The following DENND5A variants were observed in gnomAD, a reference collection of about 807,000 sequenced individuals.
DENND5A encodes the protein DENN domain containing 5A, also known as DENN domain-containing protein 5A.
DENND5A carries 64 observed loss-of-function variants against 140.3 expected under a neutral mutation model. The ratio of observed to expected loss-of-function variants is 0.46; its 90% confidence interval spans 0.37 to 0.56. DENND5A has a LOEUF of 0.56. DENND5A is among the 20% of genes least tolerant of loss of function. The pLI is 0.00. For synonymous variants in DENND5A, 605 were observed against 607.7 expected (o/e 1.00, Z 0.07); for missense variants, 1,292 against 1,593.8 (o/e 0.81, Z 3.22).
At chr11:9,251,245 C>CT (rs145904703) in intron 1 of DENND5A, among the ~76,000 whole-genome samples, 9,886 of 152,078 alleles carry the variant, frequency 0.065, 438 homozygotes, top group Non-Finnish European at 0.1. Flanking sequence ...GCTCAGACCT[C>CT]TCAGCATTCC....
chr11:9,262,470 C>G (rs1388864910), intron 1 of DENND5A, among the ~76,000 whole-genome samples: 2 of 152,060 alleles, frequency 1.3e-5, no homozygotes, highest in Non-Finnish European at 2.9e-5. Flanking sequence ...TTCTAAAGAC[C>G]TCCAGCCAGG....
At chr11:9,168,791 G>A (rs72859603) in intron 10 of DENND5A, among the ~76,000 whole-genome samples, 58 of 152,262 alleles carry the variant, frequency 3.8e-4, no homozygotes, top group Non-Finnish European at 7.1e-4. Context: ...AAAACAGTAT[G>A]CCTTCTTGGG....
chr11:9,140,169 GAAT>G (rs1564876189), intron 22 of DENND5A: 1 of 1,393,200 alleles, frequency 7.2e-7, no homozygotes, highest in Non-Finnish European at 9.5e-7. Context: ...CCACCACCAG[GAAT>G]AATAATAAGC....
At chr11:9,246,811 C>T (rs1045764852) in intron 1 of DENND5A, among the ~76,000 whole-genome samples, 1 of 152,142 alleles carries the variant, frequency 6.6e-6, no homozygotes, top group African/African-American at 2.4e-5. Context: ...CATCTACCTA[C>T]AACCCATAAA....
At chr11:9,224,066 T>C (rs1850433384) in intron 1 of DENND5A, among the ~76,000 whole-genome samples, 1 of 152,098 alleles carries the variant, frequency 6.6e-6, no homozygotes, top group African/African-American at 2.4e-5. Flanking sequence ...TGGTGGCGCA[T>C]GCCTGTAATC....
Position 9,170,624 on chromosome 11 carries a change from C to A in DENND5A, c.2057+3G>T, listed in dbSNP as rs1848338531. The A allele has an allele frequency of 6.2e-7, 1 of 1,613,712 alleles. No homozygotes were observed. The highest frequency in any genetic ancestry group is 1.3e-5 in the African/African-American group (1 of 74,836). On this transcript the variant is annotated splice_donor_region_variant and intron_variant, in intron 9 of 22. Transcript: ENST00000328194. ...GATTAGTGAATCCCTGGGGTTGACT[C>A]ACTTGTTGCTGGCTGGCCCAGTGGA...
chr11:9,263,263 C>T (rs1349776911), intron 1 of DENND5A, among the ~76,000 whole-genome samples: 1 of 151,482 alleles, frequency 6.6e-6, no homozygotes, highest in African/African-American at 2.4e-5. Flanking sequence ...AGTGTAGTGG[C>T]GCAATCACCC....
chr11:9,195,505 CAA>C (rs1385713741), intron 4 of DENND5A, among the ~76,000 whole-genome samples: 2 of 152,128 alleles, frequency 1.3e-5, no homozygotes, highest in Non-Finnish European at 2.9e-5. Context: ...TGGCTGGTTT[CAA>C]ATGAGCTGTC....
At chr11:9,220,265 G>A (rs577771631) in intron 1 of DENND5A, among the ~76,000 whole-genome samples, 55 of 152,160 alleles carry the variant, frequency 3.6e-4, no homozygotes, top group Admixed American at 3.3e-3. Context: ...AAAATAATTC[G>A]GGCCAGGCAC....
intron 1 of DENND5A, among the ~76,000 whole-genome samples, chr11:9,254,620 A>G (rs1851867547): frequency 6.6e-6 from 1 of 152,194 alleles, no homozygotes; most frequent in African/African-American, 2.4e-5. Context: ...AAATGACCAC[A>G]AGAATCTGCC....
intron 4 of DENND5A, among the ~76,000 whole-genome samples, chr11:9,197,823 GAAGAA>G (rs1225342497): frequency 1.4e-4 from 22 of 152,148 alleles, no homozygotes; most frequent in Non-Finnish European, 2.8e-4. Flanking sequence ...GCTACTATAT[GAAGAA>G]AAGAGAGGAA....
chr11:9,169,281 T>A (rs777601261), intron 10 of DENND5A, among the ~76,000 whole-genome samples: 16 of 151,994 alleles, frequency 1.1e-4, no homozygotes, highest in Middle Eastern at 3.2e-3. Context: ...ACCCCGTCTC[T>A]ACTAAAAATA....
chr11:9,181,983 T>C (rs1192640517), intron 5 of DENND5A, among the ~76,000 whole-genome samples: 3 of 152,186 alleles, frequency 2.0e-5, no homozygotes, highest in Admixed American at 6.5e-5. Flanking sequence ...TGTAAAGAGA[T>C]AGTGCTCACA....
chr11:9,150,467 C>T (rs1401631387), intron 14 of DENND5A, among the ~76,000 whole-genome samples: 2 of 152,182 alleles, frequency 1.3e-5, no homozygotes, highest in Admixed American at 1.3e-4. Context: ...AGATACTCTC[C>T]TATGCTCCCT....
At chr11:9,254,770 T>A (rs190394569) in intron 1 of DENND5A, among the ~76,000 whole-genome samples, 377 of 152,254 alleles carry the variant, frequency 2.5e-3, no homozygotes, top group Admixed American at 6.7e-3. Context: ...AAATAAGAAG[T>A]CTTATTTAAA....
chr11:9,174,933 G>T (rs565701284), intron 8 of DENND5A, among the ~76,000 whole-genome samples: 1 of 151,900 alleles, frequency 6.6e-6, no homozygotes, highest in African/African-American at 2.4e-5. Context: ...CGTACTAGAG[G>T]TTCAAGCCAG....
chr11:9,205,429 A>T (rs1849661546), intron 3 of DENND5A, among the ~76,000 whole-genome samples: 1 of 152,240 alleles, frequency 6.6e-6, no homozygotes, highest in Non-Finnish European at 1.5e-5. Flanking sequence ...TTTCTAGAAC[A>T]TAGCATGTTA....
At chr11:9,163,028 A>G (rs1848043927) in intron 11 of DENND5A, among the ~76,000 whole-genome samples, 1 of 152,098 alleles carries the variant, frequency 6.6e-6, no homozygotes, top group African/African-American at 2.4e-5. Flanking sequence ...TCACTCGTTT[A>G]TATTTGTGAA....
chr11:9,197,248 C>T (rs761816345), intron 4 of DENND5A, among the ~76,000 whole-genome samples: 6 of 150,490 alleles, frequency 4.0e-5, no homozygotes, highest in Admixed American at 6.6e-5. Context: ...GAGGTTGCAG[C>T]GAGCCAAGAT....
Sources: gnomAD v4.1 joint callset for allele counts (sites outside exome capture counted in the v4.1 genomes callset) on GRCh38, gnomAD v4.1.1 for gene constraint, MANE v1.5 for transcripts, NCBI Gene and HGNC (gene_info 2026-07-23, HGNC 2026-07-21) for gene names.